TLN2: variants seen among roughly 807,000 people sequenced by gnomAD.
The protein encoded by TLN2 is talin 2, also known as talin-2.
A neutral mutation model predicts 294.7 loss-of-function variants in TLN2; 118 were observed. That is an observed-to-expected ratio of 0.40 (90% CI 0.34 to 0.47). The LOEUF (loss-of-function observed/expected upper bound fraction) is 0.47. TLN2 is among the 20% of genes least tolerant of loss of function. TLN2 has a pLI of 0.84. For missense variants in TLN2, 3,083 were observed against 3,282.2 expected (o/e 0.94, Z 1.48); for synonymous variants, 1,431 against 1,304.5 (o/e 1.10, Z -2.09).
intron 48 of TLN2, 144 bp from the exon 49 acceptor site, chr15:62,800,224 C>T: frequency 7.5e-7 from 1 of 1,340,184 alleles, no homozygotes; most frequent in Non-Finnish European, 1.0e-6. Flanking sequence ...AGGGTGGCTT[C>T]CCAGGAGGTC....
chr15:62,586,186 G>T (rs1039549924), intron 1 of TLN2, among the ~76,000 whole-genome samples: 1 of 152,166 alleles, frequency 6.6e-6, no homozygotes, highest in African/African-American at 2.4e-5. Context: ...CGCACTAAAG[G>T]GGGTCAGAAC....
Position 62,697,726 on chromosome 15 carries a change from A to G in TLN2, c.1331A>G (p.Lys444Arg). 6.2e-7 allele frequency: 1 copy of G among 1,605,742 alleles called. No homozygotes were observed. Among genetic ancestry groups the G allele is most frequent in the South Asian group, 1.1e-5 (1 of 90,796 alleles). ...ILQQQFNRTG[K>R]AEHGSVALPA... The stretch of plus-strand genomic sequence containing the variant: ...CAGCAGCAGTTCAACCGGACCGGGA[A>G]GGCAGAGCACGGCTCAGTGGCGCTG... The change falls in exon 15 of 59, where the codon AAG becomes AGG. Residue 444 changes from lysine to arginine, a missense_variant. By Grantham distance (26) the Lys-to-Arg change is conservative. Transcript: ENST00000636159.
At chr15:62,574,541 C>A (rs1390996238) in intron 1 of TLN2, among the ~76,000 whole-genome samples, 1 of 119,232 alleles carries the variant, frequency 8.4e-6, no homozygotes, top group African/African-American at 3.3e-5. Context: ...TATCGCACCA[C>A]TGAACTCCAG....
intron 2 of TLN2, among the ~76,000 whole-genome samples, chr15:62,595,749 G>C (rs2046446520): frequency 6.6e-6 from 1 of 152,188 alleles, no homozygotes; most frequent in South Asian, 2.1e-4. Context: ...ATTGTCATTT[G>C]TAGCAACATG....
chr15:62,621,394 G>A (rs1476241076), intron 3 of TLN2, among the ~76,000 whole-genome samples: 1 of 152,156 alleles, frequency 6.6e-6, no homozygotes, highest in East Asian at 1.9e-4. Flanking sequence ...TCGATACACA[G>A]ATACTGAGAG....
At chr15:62,492,556 A>G (rs1354562499) in intron 1 of TLN2, among the ~76,000 whole-genome samples, 3 of 151,006 alleles carry the variant, frequency 2.0e-5, no homozygotes, top group African/African-American at 4.9e-5. Flanking sequence ...AAAAAAAAAA[A>G]AAAAGAAAAA....
intron 50 of TLN2, among the ~76,000 whole-genome samples, chr15:62,802,690 C>T (rs2066016150): frequency 6.6e-6 from 1 of 152,220 alleles, no homozygotes; most frequent in African/African-American, 2.4e-5. Context: ...TACATTCCCA[C>T]CCACAGTGAA....
chr15:62,594,777 G>C (rs1407429131), intron 2 of TLN2, among the ~76,000 whole-genome samples: 1 of 152,178 alleles, frequency 6.6e-6, no homozygotes, highest in Non-Finnish European at 1.5e-5. Flanking sequence ...AAACACAAAA[G>C]TGCAGGCAAT....
intron 1 of TLN2, among the ~76,000 whole-genome samples, chr15:62,537,404 G>C (rs1356493791): frequency 6.6e-6 from 1 of 152,130 alleles, no homozygotes; most frequent in African/African-American, 2.4e-5. Context: ...CTTGATATTT[G>C]GGGGTTGGGG....
At chr15:62,477,151 T>C (rs1022160765) in intron 1 of TLN2, among the ~76,000 whole-genome samples, 1 of 152,202 alleles carries the variant, frequency 6.6e-6, no homozygotes, top group Non-Finnish European at 1.5e-5. Context: ...TAAACTGTCA[T>C]GCTATTTGGG....
chr15:62,477,671 T>A (rs981301502), intron 1 of TLN2, among the ~76,000 whole-genome samples: 1 of 151,826 alleles, frequency 6.6e-6, no homozygotes, highest in African/African-American at 2.4e-5. Context: ...ATACTGCGGA[T>A]GTTTGGTTTT....
chr15:62,726,976 GA>G (rs2060474262), intron 27 of TLN2, 110 bp from the exon 28 acceptor site: 1 of 1,126,016 alleles, frequency 8.9e-7, no homozygotes, highest in African/African-American at 1.6e-5. Flanking sequence ...CCATTGGTGG[GA>G]AAGAGCTAGG....
chr15:62,423,766 G>A (rs534514891), intron 1 of TLN2, among the ~76,000 whole-genome samples: 18 of 152,226 alleles, frequency 1.2e-4, no homozygotes, highest in Admixed American at 6.5e-4. Context: ...TTTTTGTAGA[G>A]ACTGGGTTTC....
At chr15:62,535,621 T>C (rs1393209136) in intron 1 of TLN2, among the ~76,000 whole-genome samples, 1 of 150,848 alleles carries the variant, frequency 6.6e-6, no homozygotes, top group Non-Finnish European at 1.5e-5. Context: ...AGTGGCACAA[T>C]TGCAGCTCAC....
intron 9 of TLN2, among the ~76,000 whole-genome samples, chr15:62,666,752 T>G (rs2140985950): frequency 6.6e-6 from 1 of 152,288 alleles, no homozygotes; most frequent in African/African-American, 2.4e-5. Flanking sequence ...AGAACTTAAC[T>G]GCTACACTCA....
Position 62,438,544 on chromosome 15 carries a change from A to G in TLN2, c.-238+47859A>G, listed in dbSNP as rs145646603. 2.1e-3 allele frequency among the ~76,000 whole-genome samples: 320 copies of G among 152,254 alleles called. 2 individuals carry two copies. Among genetic ancestry groups the G allele is most frequent in the African/African-American group, 7.4e-3 (308 of 41,548 alleles). On this transcript the variant is annotated intron_variant, in intron 1 of 58. Transcript: ENST00000636159. Reference sequence around the variant, plus strand: ...CACTTGCAGCATTTATTTATCCCATACAGTTCGGTGCATAATCAGTCAGCC... The same window carrying G: ...CACTTGCAGCATTTATTTATCCCATGCAGTTCGGTGCATAATCAGTCAGCC...
intron 1 of TLN2, among the ~76,000 whole-genome samples, chr15:62,449,662 C>T (rs938542114): frequency 2.0e-5 from 3 of 152,056 alleles, no homozygotes; most frequent in African/African-American, 7.2e-5. Flanking sequence ...GTAGTCCCAG[C>T]GACTTGGGAG....
At chr15:62,786,412 GAAAAT>G (rs2064661461) in intron 45 of TLN2, among the ~76,000 whole-genome samples, 1 of 152,150 alleles carries the variant, frequency 6.6e-6, no homozygotes, top group African/African-American at 2.4e-5. Flanking sequence ...ATTTTTCATG[GAAAAT>G]TCAAGCCTTT....
intron 1 of TLN2, among the ~76,000 whole-genome samples, chr15:62,580,891 T>C (rs2044922528): frequency 6.6e-6 from 1 of 151,466 alleles, no homozygotes; most frequent in African/African-American, 2.4e-5. Context: ...TTTTTTTTTT[T>C]TTTCTTTTTG....
Sources: allele counts gnomAD v4.1 joint callset (sites outside exome capture counted in the v4.1 genomes callset), GRCh38; gene constraint gnomAD v4.1.1; transcripts MANE v1.5; gene names NCBI Gene and HGNC (gene_info 2026-07-23, HGNC 2026-07-21).